VDAC1: variants seen among roughly 807,000 people sequenced by gnomAD.
The protein encoded by VDAC1 is non-selective voltage-gated ion channel VDAC1.
Under a neutral mutation model 34.7 loss-of-function variants are expected in VDAC1, and 10 were observed. The observed-to-expected ratio is 0.29, with a 90% CI of 0.18 to 0.49. The LOEUF (loss-of-function observed/expected upper bound fraction) is 0.49, where lower values mean the gene tolerates loss of function less well. Among genes scored for constraint, VDAC1 ranks in the 20% least tolerant of loss-of-function variants. The pLI, the probability that VDAC1 is intolerant of heterozygous loss-of-function variation, is 0.99. For missense variants in VDAC1, 230 were observed against 347.9 expected, an observed-to-expected ratio of 0.66 and a Z score of 2.69; for synonymous variants, 130 against 136.0, an observed-to-expected ratio of 0.96 and a Z score of 0.30.
rs144100187 is a variant in VDAC1, at chr5:133,984,502, C to A, written c.324-3546G>T. ...GTTTCACCATGTTACCTAGGCTGGT[C>A]TCCAACTCCTGGGCTCAAGCAATCT... On this transcript the variant is annotated intron_variant, in intron 5 of 8. Coordinates refer to ENST00000265333, the MANE Select transcript of VDAC1 (RefSeq NM_003374.3). 3.8e-3 allele frequency among the ~76,000 whole-genome samples: 580 copies of A among 150,822 alleles called. 1 individual carries two copies. Among genetic ancestry groups the A allele is most frequent in the African/African-American group, 0.014 (557 of 40,960 alleles).
intron 1 of VDAC1, among the ~76,000 whole-genome samples, chr5:133,993,583 C>T (rs1006353861): frequency 1.3e-5 from 2 of 152,180 alleles, no homozygotes; most frequent in Non-Finnish European, 2.9e-5. Flanking sequence ...TTATGGGAAC[C>T]CACTTCATAT....
At chr5:134,014,006 A>G in the VDAC1 span, among the ~76,000 whole-genome samples, 1 of 151,566 alleles carries the variant, frequency 6.6e-6, no homozygotes, top group Non-Finnish European at 1.5e-5. Context: ...AAGAAGACAT[A>G]CAGCCAGGCA....
the VDAC1 span, among the ~76,000 whole-genome samples, chr5:134,099,725 G>T: frequency 6.6e-6 from 1 of 152,168 alleles, no homozygotes; most frequent in South Asian, 2.1e-4. Flanking sequence ...GACTACAGGC[G>T]CATGCCATCA....
At chr5:134,040,596 G>A in the VDAC1 span, among the ~76,000 whole-genome samples, 3 of 152,020 alleles carry the variant, frequency 2.0e-5, no homozygotes, top group South Asian at 6.2e-4. Flanking sequence ...AAATTAGCTG[G>A]GCATGGTGCC....
At chr5:134,095,998 C>A in the VDAC1 span, among the ~76,000 whole-genome samples, 1 of 152,256 alleles carries the variant, frequency 6.6e-6, no homozygotes, top group African/African-American at 2.4e-5. Context: ...GCTTCACCCT[C>A]CCGCTCTCAG....
chr5:133,996,474 C>T (rs1183940127), intron 1 of VDAC1, among the ~76,000 whole-genome samples: 4 of 152,100 alleles, frequency 2.6e-5, no homozygotes, highest in South Asian at 2.1e-4. Flanking sequence ...ATAATACTTA[C>T]GTAACCTCTG....
chr5:134,072,447 C>T, the VDAC1 span, among the ~76,000 whole-genome samples: 29 of 152,304 alleles, frequency 1.9e-4, no homozygotes, highest in Non-Finnish European at 3.5e-4. Flanking sequence ...CACCTCCCTT[C>T]GCTACCTGCA....
the VDAC1 span, among the ~76,000 whole-genome samples, chr5:134,058,309 C>T: frequency 3.3e-3 from 494 of 150,106 alleles, 5 homozygotes; most frequent in Non-Finnish European, 5.6e-3. Context: ...GGGACTCTGA[C>T]TTTTGTTTTT....
chr5:134,094,832 A>G, the VDAC1 span, among the ~76,000 whole-genome samples: 1 of 152,162 alleles, frequency 6.6e-6, no homozygotes, highest in Middle Eastern at 3.4e-3. Context: ...TGCCATGTCC[A>G]GGGCAAAGTA....
chr5:134,029,188 G>A, the VDAC1 span, among the ~76,000 whole-genome samples: 1 of 152,232 alleles, frequency 6.6e-6, no homozygotes, highest in Non-Finnish European at 1.5e-5. Context: ...CCACCTTGGA[G>A]GAGGCTCCTT....
the VDAC1 span, among the ~76,000 whole-genome samples, chr5:134,079,427 C>T: frequency 9.9e-5 from 15 of 152,138 alleles, no homozygotes; most frequent in African/African-American, 2.9e-4. Flanking sequence ...GAGGGAGGAG[C>T]GGGAGGATTT....
intron 5 of VDAC1, among the ~76,000 whole-genome samples, chr5:133,982,290 G>A (rs944732530): frequency 2.0e-5 from 3 of 152,098 alleles, no homozygotes; most frequent in African/African-American, 7.2e-5. Flanking sequence ...GAGGCAGGTG[G>A]ATCACAAGGT....
rs1014357621 is a variant in VDAC1 at position 134,004,194 on chromosome 5, G to A, written c.-7+701C>T. On this transcript the variant is annotated intron_variant, in intron 1 of 8. Transcript: ENST00000265333. ...GGTCGTCACGTGAGCTCATCCCCGA[G>A]GCGGCAGCGTGGCCGGCACCCGCCC... Among the ~76,000 whole-genome samples the A allele has an allele frequency of 3.3e-5, 5 of 152,094 alleles. No individual in the cohort carries two copies. In the East Asian group the frequency reaches 9.7e-4, roughly 29 times the overall value.
At chr5:134,054,645 C>T in the VDAC1 span, among the ~76,000 whole-genome samples, 6 of 151,830 alleles carry the variant, frequency 4.0e-5, no homozygotes, top group African/African-American at 1.2e-4. Context: ...TATTTTTGTA[C>T]AGACAGGATT....
upstream of VDAC1, among the ~76,000 whole-genome samples, chr5:134,006,588 CA>C (rs1753755497): frequency 6.6e-6 from 1 of 151,852 alleles, no homozygotes; most frequent in South Asian, 2.1e-4. Flanking sequence ...ACTAAAAATA[CA>C]AAAACTAGAC....
chr5:134,044,063 A>G, the VDAC1 span, among the ~76,000 whole-genome samples: 1 of 152,080 alleles, frequency 6.6e-6, no homozygotes, highest in Non-Finnish European at 1.5e-5. Context: ...ACTCAAACCA[A>G]GCCTTTCCAA....
chr5:133,976,357 T>C (rs911383623), intron 6 of VDAC1: 4 of 213,352 alleles, frequency 1.9e-5, no homozygotes, highest in South Asian at 7.6e-5. Context: ...AATACAAAAA[T>C]TGACCGGGCT....
chr5:134,092,530 G>A, the VDAC1 span, among the ~76,000 whole-genome samples: 6 of 152,194 alleles, frequency 3.9e-5, no homozygotes, highest in South Asian at 1.2e-3. Context: ...CATTAAATTA[G>A]CCAGGCATGG....
intron 1 of VDAC1, among the ~76,000 whole-genome samples, chr5:133,996,592 A>C (rs1244061107): frequency 2.8e-5 from 4 of 141,990 alleles, no homozygotes; most frequent in Non-Finnish European, 6.0e-5. Flanking sequence ...CCCCAAAATC[A>C]CCTCTTTGAA....
Sources: gnomAD v4.1 joint callset for allele counts (sites outside exome capture counted in the v4.1 genomes callset) on GRCh38, gnomAD v4.1.1 for gene constraint, MANE v1.5 for transcripts, NCBI Gene and HGNC (gene_info 2026-07-23, HGNC 2026-07-21) for gene names.